The following SLC7A6 variants were observed in gnomAD, a reference collection of about 807,000 sequenced individuals.
The protein encoded by SLC7A6 is Y+L amino acid transporter 2.
In SLC7A6, 29 loss-of-function variants were observed where a neutral mutation model predicts 46.6. That is an observed-to-expected ratio of 0.62 (90% confidence interval 0.46 to 0.85). The LOEUF (loss-of-function observed/expected upper bound fraction) is 0.85. Ranked by LOEUF, SLC7A6 falls within the 40% of genes least tolerant of loss-of-function variation. The pLI is 0.00. For synonymous variants in SLC7A6, 276 were observed against 257.3 expected (o/e 1.07, Z -0.70); for missense variants, 527 against 647.6 (o/e 0.81, Z 2.02).
intron 3 of SLC7A6, among the ~76,000 whole-genome samples, chr16:68,284,884 A>C: frequency 8.1e-5 from 1 of 12,280 alleles, no homozygotes. Context: ...TTTTAGAGAC[A>C]AGTTCTCACT....
At chr16:68,288,420 T>G (rs1255457508) in intron 4 of SLC7A6, among the ~76,000 whole-genome samples, 1 of 152,164 alleles carries the variant, frequency 6.6e-6, no homozygotes, top group Admixed American at 6.5e-5. Context: ...AATGTTGGCT[T>G]TAGAAAGCTT....
chr16:68,275,082 T>C lies in SLC7A6; in HGVS notation c.356T>C (p.Phe119Ser). The change falls in exon 3 of 11, where the codon TTT becomes TCT. Residue 119 changes from phenylalanine (F) to serine (S), a missense_variant. By Grantham distance (155) the Phe-to-Ser change is radical. Transcript: ENST00000219343. ...AGCTACGCTTATATTCTAGAGGCCT[T>C]TGGGGGCTTCATTGCCTTCATCCGC... ...GASYAYILEA[F>S]GGFIAFIRLW... The C allele has an allele frequency of 6.2e-7, 1 of 1,614,090 alleles. No individual in the cohort carries two copies. Among genetic ancestry groups the C allele is most frequent in the Non-Finnish European group, 8.5e-7 (1 of 1,180,002 alleles).
chr16:68,278,742 C>T (rs1361181309), intron 3 of SLC7A6, among the ~76,000 whole-genome samples: 14 of 152,208 alleles, frequency 9.2e-5, no homozygotes, highest in Non-Finnish European at 1.6e-4. Flanking sequence ...AATCTGATTT[C>T]GCTATCTTTT....
intron 8 of SLC7A6, among the ~76,000 whole-genome samples, chr16:68,295,697 T>A (rs184078660): frequency 6.6e-6 from 1 of 152,248 alleles, no homozygotes; most frequent in African/African-American, 2.4e-5. Context: ...TTTAAACACA[T>A]TTGACCTTGT....
At position 68,294,704 on chromosome 16, in the gene SLC7A6, G is replaced by T. The variant is rs778214762; in HGVS notation, c.1023-1G>T. ...TGCTGACACATTTCTCATCCTTCTA[G>T]GTTGTTCTTCGTGGGCTCCCGGGAG... is the stretch of plus-strand genomic sequence containing the variant. On this transcript the variant is annotated splice_acceptor_variant, in intron 7 of 10. Coordinates refer to ENST00000219343, the MANE Select transcript of SLC7A6 (RefSeq NM_003983.6). LOFTEE classifies it high-confidence loss of function. The T allele has an allele frequency of 1.9e-6, 3 of 1,609,006 alleles. No homozygotes were observed. The African/African-American group carries it at 4.0e-5, about 21-fold the overall frequency.
Position 68,300,504 on chromosome 16 carries a change from C to G in SLC7A6, c.*3176C>G. 1.7e-6 allele frequency: 1 copy of G among 601,646 alleles called. No individual in the cohort carries two copies. The highest frequency in any genetic ancestry group is 2.1e-6 in the Non-Finnish European group (1 of 479,300). The allele number at this position is 601,646 out of a possible 1,614,324, so 37.3% of individuals were successfully genotyped here. A position where few individuals can be genotyped will look rare whatever the true frequency, so the allele number is the denominator to read the frequency against. On this transcript the variant is annotated 3_prime_UTR_variant, in exon 11 of 11. Transcript: ENST00000219343. ...TAAGTTCAGAAGGTACTTTGTTTTT[C>G]CTCCCTTGCCTTAAGTCCTTGGTAT...
chr16:68,277,645 G>C (rs1414859949), intron 3 of SLC7A6, among the ~76,000 whole-genome samples: 1 of 150,298 alleles, frequency 6.7e-6, no homozygotes, highest in African/African-American at 2.5e-5. Context: ...AATTTTTTTT[G>C]AGATGGAGTT....
chr16:68,267,824 G>C (rs72790400), intron 2 of SLC7A6, among the ~76,000 whole-genome samples: 2 of 152,272 alleles, frequency 1.3e-5, no homozygotes, highest in East Asian at 3.9e-4. Flanking sequence ...CCCAACCTCC[G>C]GGGAGGGGAG....
intron 3 of SLC7A6, among the ~76,000 whole-genome samples, chr16:68,279,568 T>C (rs1246011013): frequency 1.3e-5 from 2 of 152,184 alleles, no homozygotes; most frequent in African/African-American, 4.8e-5. Context: ...AGACAGAGTC[T>C]TGCTTTGTTG....
At chr16:68,291,695 C>T in intron 7 of SLC7A6, 34 bp downstream of exon 7, 1 of 1,570,758 alleles carries the variant, frequency 6.4e-7, no homozygotes, top group Non-Finnish European at 8.8e-7. Flanking sequence ...TAATAGACCA[C>T]AATATTTCAT....
chr16:68,296,493 A>T lies in SLC7A6; in HGVS notation c.1249A>T (p.Lys417Ter). The T allele has an allele frequency of 6.2e-7, 1 of 1,614,174 alleles. No individual in the cohort carries two copies. Among genetic ancestry groups the T allele is most frequent in the Non-Finnish European group, 8.5e-7 (1 of 1,180,030 alleles). Residue 417 changes from lysine to a stop codon, truncating the protein, a stop_gained, in exon 9 of 11, where the codon AAG (lysine) becomes TAG (stop). Coordinates refer to ENST00000219343, the MANE Select transcript of SLC7A6 (RefSeq NM_003983.6). LOFTEE classifies it high-confidence loss of function. Reference protein sequence around the residue: ...GQLYLRWKEPKRPRPLKLSVF... With the variant: ...GQLYLRWKEP ...GCTCTACCTCCGCTGGAAGGAGCCC[A>T]AGCGGCCCCGGCCTCTCAAGGTCAG... is the stretch of plus-strand genomic sequence containing the variant.
rs1044833319 is a variant in SLC7A6 at position 68,298,681 on chromosome 16, C to G, written c.*1353C>G. 1 of 152,320 alleles carries G rather than the reference C, an allele frequency of 6.6e-6. No homozygotes were observed. Among genetic ancestry groups the G allele is most frequent in the Non-Finnish European group, 1.5e-5 (1 of 68,112 alleles). The allele number at this position is 152,320 out of a possible 1,614,324, so 9.4% of individuals were successfully genotyped here. On this transcript the variant is annotated 3_prime_UTR_variant, in exon 11 of 11. Transcript: ENST00000219343. ...GAAAGCTGCTTCAACCTGAGTCCGG[C>G]TCTTCAGCAGGCTGCACAAGTGGAA...
intron 4 of SLC7A6, 142 bp from the exon 5 acceptor site, chr16:68,290,254 C>T: frequency 5.0e-6 from 4 of 796,478 alleles, no homozygotes; most frequent in African/African-American, 1.7e-5. Flanking sequence ...TCTTGTTCCT[C>T]CCCATTCCTC....
chr16:68,269,001 G>A (rs1024816297), intron 2 of SLC7A6, among the ~76,000 whole-genome samples: 10 of 151,094 alleles, frequency 6.6e-5, no homozygotes, highest in South Asian at 2.1e-4. Context: ...GCGAAACTCC[G>A]TCTAAAAAAA....
intron 7 of SLC7A6, chr16:68,292,808 T>A (rs1215904601): frequency 6.6e-6 from 1 of 152,230 alleles, no homozygotes; most frequent in African/African-American, 2.4e-5. Context: ...CCTCATCCTA[T>A]TGGACCTCTG....
At position 68,282,678 on chromosome 16, in the gene SLC7A6, C is replaced by T. The variant is rs113276185; in HGVS notation, c.524-5068C>T. ...TGTTGCCCAGGCTGGAGTCCAGTGG[C>T]GTGATCTTGGCTCATTGCAACCTCT... On this transcript the variant is annotated intron_variant, in intron 3 of 10. Coordinates refer to ENST00000219343, the MANE Select transcript of SLC7A6 (RefSeq NM_003983.6). Among the ~76,000 whole-genome samples the T allele has an allele frequency of 1.3e-3, 198 of 151,540 alleles. 3 individuals are homozygous for T. The highest frequency in any genetic ancestry group is 8.3e-3 in the South Asian group (40 of 4,792).
In SLC7A6 at chr16:68,297,278, A is replaced by T; in HGVS notation, c.1498A>T (p.Thr500Ser). The T allele has an allele frequency of 2.5e-6, 4 of 1,614,216 alleles. No homozygotes were observed. The highest frequency in any genetic ancestry group is 3.4e-6 in the Non-Finnish European group (4 of 1,180,022). Reference protein sequence around the residue: ...GTQQLCFCVLTELDVAEEKKD... With the variant: ...GTQQLCFCVLSELDVAEEKKD... ...CCAGCAGCTTTGCTTTTGTGTCCTG[A>T]CTGAGCTTGATGTAGCCGAAGAAAA... Residue 500 changes from threonine to serine, a missense_variant, in exon 11 of 11, where the codon ACT (threonine) becomes TCT (serine). Transcript: ENST00000219343.
chr16:68,277,964 G>T (rs9923188), intron 3 of SLC7A6, among the ~76,000 whole-genome samples: 89,620 of 150,918 alleles, frequency 0.59, 26,863 homozygotes, highest in East Asian at 0.81. Flanking sequence ...TTTTGAGACC[G>T]AGTCTTGCTC....
At position 68,301,202 on chromosome 16, in the gene SLC7A6, C is replaced by T; in HGVS notation, c.*3874C>T. 1 of 1,554,848 alleles carries T rather than the reference C, an allele frequency of 6.4e-7. No homozygotes were observed. The highest frequency in any genetic ancestry group is 1.2e-5 in the South Asian group (1 of 83,014). On this transcript the variant is annotated 3_prime_UTR_variant, in exon 11 of 11. Transcript: ENST00000219343. ...TAAGCTAGGAAACCTAACAGGATGT[C>T]AGCAGGGCAGTTAACTCTGGACTCA...
Sources: allele counts gnomAD v4.1 joint callset (sites outside exome capture counted in the v4.1 genomes callset), GRCh38; gene constraint gnomAD v4.1.1; transcripts MANE v1.5; gene names NCBI Gene and HGNC (gene_info 2026-07-23, HGNC 2026-07-21).